The following PCDHA9 variants were observed in gnomAD, a reference collection of about 807,000 sequenced individuals.
The protein encoded by PCDHA9 is protocadherin alpha 9, also known as protocadherin alpha-9.
In PCDHA9, 62 loss-of-function variants were observed where a neutral mutation model predicts 62.0. The observed-to-expected ratio is 1.00, with a 90% CI of 0.81 to 1.23. The LOEUF (loss-of-function observed/expected upper bound fraction) is 1.23, where lower values mean the gene tolerates loss of function less well. Among genes scored for constraint, PCDHA9 ranks in the 50% most tolerant of loss-of-function variants. PCDHA9 has a pLI of 0.00. For synonymous variants in PCDHA9, 557 were observed against 567.6 expected, an observed-to-expected ratio of 0.98 and a Z score of 0.27; for missense variants, 1,205 against 1,249.8, an observed-to-expected ratio of 0.96 and a Z score of 0.54.
intron 1 of PCDHA9, among the ~76,000 whole-genome samples, chr5:140,971,377 T>C (rs2096474353): frequency 6.6e-6 from 1 of 152,210 alleles, no homozygotes; most frequent in African/African-American, 2.4e-5. Flanking sequence ...AGTGCATGAC[T>C]TTAATAAAGG....
At chr5:140,965,490 C>G (rs115003344) in intron 1 of PCDHA9, among the ~76,000 whole-genome samples, 2,488 of 148,960 alleles carry the variant, frequency 0.017, 68 homozygotes, top group African/African-American at 0.057. Context: ...TGCTTAATGA[C>G]AGCAGATTTT....
rs1193708084 is a variant in PCDHA9, at chr5:140,882,956, A to AT, written c.2394+32068dup. 3.1e-6 allele frequency: 5 copies of AT among 1,614,110 alleles called. No individual in the cohort carries two copies. In the African/African-American group the frequency reaches 6.7e-5, roughly 22 times the overall value. ...GCTGACTGGCACAGTTCAGCTGCTC[A>AT]TCACGATTCTGGACGTGAATGACAA... On this transcript the variant is annotated intron_variant, in intron 1 of 3. Transcript: ENST00000532602.
chr5:140,868,248 T>C (rs1554161850), intron 1 of PCDHA9: 1 of 152,160 alleles, frequency 6.6e-6, no homozygotes, highest in East Asian at 1.9e-4. Context: ...CAATAGACTT[T>C]TCCTTTGTGG....
intron 1 of PCDHA9, chr5:140,867,317 CTAA>C (rs1554161223): frequency 6.6e-6 from 1 of 151,956 alleles, no homozygotes; most frequent in African/African-American, 2.4e-5. Flanking sequence ...GTCATCTGGT[CTAA>C]TGTTATGTTT....
chr5:140,967,079 A>G (rs2096093467), intron 1 of PCDHA9: 10 of 1,613,252 alleles, frequency 6.2e-6, no homozygotes, highest in Non-Finnish European at 8.5e-6. Flanking sequence ...CAACGAGCGC[A>G]TTGATCGGGA....
chr5:140,943,302 A>G, intron 1 of PCDHA9, among the ~76,000 whole-genome samples: 1 of 151,674 alleles, frequency 6.6e-6, no homozygotes, highest in Non-Finnish European at 1.5e-5. Context: ...AATTTTGGGA[A>G]GTCATTATTA....
intron 3 of PCDHA9, 42 bp from the exon 4 acceptor site, chr5:141,009,585 T>C: frequency 6.3e-7 from 1 of 1,592,908 alleles, no homozygotes; most frequent in Non-Finnish European, 8.6e-7. Flanking sequence ...ATCAAGAGCA[T>C]GTGTTGACCC....
chr5:140,854,329 T>C lies in PCDHA9; in HGVS notation c.2394+3440T>C, dbSNP rs1380061038. The C allele has an allele frequency of 1.9e-5, 4 of 216,048 alleles. 1 individual carries two copies. The highest frequency in any genetic ancestry group is 3.1e-5 in the Non-Finnish European group (4 of 127,638). 13.4% of individuals were successfully genotyped at this position (216,048 alleles called of 1,614,324 possible). ...AGATGATTGATCAATGGCAAACTTA[T>C]TTTACGCTCCAGATAGCTAAAACAA... On this transcript the variant is annotated intron_variant, in intron 1 of 3. Coordinates refer to ENST00000532602, the MANE Select transcript of PCDHA9 (RefSeq NM_031857.2).
intron 1 of PCDHA9, chr5:140,968,379 A>C: frequency 6.2e-7 from 1 of 1,614,034 alleles, no homozygotes; most frequent in Non-Finnish European, 8.5e-7. Context: ...AACTCCTTTG[A>C]CTATGAGAAG....
rs1171497178 is a variant in PCDHA9, at chr5:140,993,431, C to A, written c.2542+10868C>A. 2.7e-5 allele frequency among the ~76,000 whole-genome samples: 4 copies of A among 149,406 alleles called. No homozygotes were observed. The Admixed American group carries it at 2.7e-4, about 10-fold the overall frequency. On this transcript the variant is annotated intron_variant, in intron 3 of 3. Coordinates refer to ENST00000532602, the MANE Select transcript of PCDHA9 (RefSeq NM_031857.2). ...TCATCAGCATTTCTCTTTTAAAATC[C>A]TTATTCATTCCTGTTCTCCTTCTTT...
intron 1 of PCDHA9, among the ~76,000 whole-genome samples, chr5:140,879,556 A>G (rs2058036538): frequency 6.6e-6 from 1 of 152,240 alleles, no homozygotes; most frequent in South Asian, 2.1e-4. Context: ...AAAATAATCC[A>G]TGAAAGAATA....
intron 1 of PCDHA9, chr5:140,857,774 G>T: frequency 6.3e-7 from 1 of 1,597,758 alleles, no homozygotes; most frequent in Non-Finnish European, 8.6e-7. Flanking sequence ...GGGCGGTGCA[G>T]TCAGTGAGCT....
chr5:140,919,609 CT>C (rs2079218169), intron 1 of PCDHA9, among the ~76,000 whole-genome samples: 2 of 151,908 alleles, frequency 1.3e-5, no homozygotes, highest in South Asian at 4.1e-4. Flanking sequence ...AAATTTTAAA[CT>C]GTATCTTTTG....
intron 1 of PCDHA9, among the ~76,000 whole-genome samples, chr5:140,950,257 G>A (rs1255968081): frequency 6.6e-6 from 1 of 151,952 alleles, no homozygotes; most frequent in Non-Finnish European, 1.5e-5. Context: ...AAAGAGCTGA[G>A]TTTATCCATA....
chr5:140,911,134 C>T (rs2075341856), intron 1 of PCDHA9, among the ~76,000 whole-genome samples: 1 of 152,108 alleles, frequency 6.6e-6, no homozygotes. Context: ...TCAGGCAGTG[C>T]AGGGTTTTTC....
At chr5:140,882,408 G>T in intron 1 of PCDHA9, 2 of 1,614,138 alleles carry the variant, frequency 1.2e-6, no homozygotes, top group Non-Finnish European at 8.5e-7. Flanking sequence ...TTCGTGGGCC[G>T]CATCGCTCAG....
intron 1 of PCDHA9, chr5:140,928,999 G>C: frequency 1.2e-6 from 2 of 1,613,936 alleles, no homozygotes; most frequent in Non-Finnish European, 1.7e-6. Context: ...ACTTTTCTTC[G>C]TGTGTACCAA....
At chr5:140,914,930 T>C (rs1474677743) in intron 1 of PCDHA9, among the ~76,000 whole-genome samples, 1 of 150,038 alleles carries the variant, frequency 6.7e-6, no homozygotes, top group Non-Finnish European at 1.5e-5. Flanking sequence ...TTGTACTATG[T>C]TGTGAAAAGT....
chr5:140,928,635 A>G lies in PCDHA9; in HGVS notation c.2395-50314A>G, dbSNP rs148091714. On this transcript the variant is annotated intron_variant, in intron 1 of 3. Transcript: ENST00000532602. ...CTGCCAGGACTGGACACTTGGTCAC[A>G]AAAGTGGTAGCAGAGGATGCTGACA... is the stretch of plus-strand genomic sequence containing the variant. 6 of 1,614,104 alleles carry G rather than the reference A, an allele frequency of 3.7e-6. No individual in the cohort carries two copies. The Middle Eastern group carries it at 4.9e-4, about 133-fold the overall frequency.
Sources: allele counts gnomAD v4.1 joint callset (sites outside exome capture counted in the v4.1 genomes callset), GRCh38; gene constraint gnomAD v4.1.1; transcripts MANE v1.5; gene names NCBI Gene and HGNC (gene_info 2026-07-23, HGNC 2026-07-21).